The following ZNF675 variants were observed in gnomAD, a reference collection of about 807,000 sequenced individuals.
The protein encoded by ZNF675 is zinc finger protein 675.
In ZNF675, 36 loss-of-function variants were observed where a neutral mutation model predicts 56.1. The ratio of observed to expected loss-of-function variants is 0.64; its 90% confidence interval spans 0.49 to 0.85. The LOEUF (loss-of-function observed/expected upper bound fraction) is 0.85, where lower values mean the gene tolerates loss of function less well. ZNF675 is among the 40% of genes least tolerant of loss of function. ZNF675 has a pLI of 0.00. For missense variants in ZNF675, 663 were observed against 654.2 expected (o/e 1.01, Z -0.15); for synonymous variants, 200 against 218.9 (o/e 0.91, Z 0.76).
At chr19:23,682,062 G>C (rs971622580) in intron 1 of ZNF675, among the ~76,000 whole-genome samples, 1 of 151,632 alleles carries the variant, frequency 6.6e-6, no homozygotes, top group Non-Finnish European at 1.5e-5. Context: ...CATAGACTCT[G>C]CATATTTTCT....
chr19:23,660,752 A>G (rs1968065013), intron 3 of ZNF675, among the ~76,000 whole-genome samples: 1 of 152,166 alleles, frequency 6.6e-6, no homozygotes, highest in Non-Finnish European at 1.5e-5. Context: ...ATACTGTGCC[A>G]TGTTATCCAA....
At chr19:23,663,195 A>G in intron 1 of ZNF675, 37 bp from the exon 2 acceptor site, 1 of 1,580,830 alleles carries the variant, frequency 6.3e-7, no homozygotes, top group South Asian at 1.1e-5. Flanking sequence ...TTCACCAGGT[A>G]GCCAACAGAG....
At chr19:23,662,011 TA>T in intron 3 of ZNF675, 102 bp downstream of exon 3, 1 of 856,636 alleles carries the variant, frequency 1.2e-6, no homozygotes, top group Non-Finnish European at 1.9e-6. Flanking sequence ...TTATTTCCTT[TA>T]AAACACGGCT....
In ZNF675 at chr19:23,683,134, G is replaced by T. The variant is rs558067816; in HGVS notation, c.3+3897C>A. 4.0e-5 allele frequency among the ~76,000 whole-genome samples: 6 copies of T among 151,248 alleles called. No individual in the cohort carries two copies. The South Asian group carries it at 1.0e-3, about 26-fold the overall frequency. ...AATCTGGGAGGCGGAAGGTTGCAGT[G>T]AGCTGAGATCATGGCACTGCACTCC... On this transcript the variant is annotated intron_variant, in intron 1 of 3. Coordinates refer to ENST00000359788, the MANE Select transcript of ZNF675 (RefSeq NM_138330.3).
At chr19:23,671,569 G>A (rs948654040) in intron 1 of ZNF675, among the ~76,000 whole-genome samples, 1 of 146,850 alleles carries the variant, frequency 6.8e-6, no homozygotes, top group Non-Finnish European at 1.5e-5. Context: ...CTGCCCCTGT[G>A]CCACCATGGG....
At chr19:23,669,046 GAGCA>G (rs1473192462) in intron 1 of ZNF675, among the ~76,000 whole-genome samples, 2 of 152,234 alleles carry the variant, frequency 1.3e-5, no homozygotes, top group African/African-American at 4.8e-5. Flanking sequence ...GAGGCGCCGA[GAGCA>G]AGCGAGAGCT....
At chr19:23,663,643 G>A (rs1229921475) in intron 1 of ZNF675, among the ~76,000 whole-genome samples, 1 of 152,212 alleles carries the variant, frequency 6.6e-6, no homozygotes, top group Non-Finnish European at 1.5e-5. Context: ...GGAGGCTGTG[G>A]TGAGTGGAGA....
intron 3 of ZNF675, chr19:23,655,468 G>C (rs1476098440): frequency 6.6e-6 from 1 of 151,876 alleles, no homozygotes; most frequent in African/African-American, 2.4e-5. Flanking sequence ...CAAGTGTCAG[G>C]TAAAGAAGCC....
intron 1 of ZNF675, among the ~76,000 whole-genome samples, chr19:23,682,631 G>T (rs73551198): frequency 0.25 from 38,547 of 151,386 alleles, 5,892 homozygotes; most frequent in East Asian, 0.54. Flanking sequence ...AGGCTCCCCA[G>T]AAAGAACTAA....
chr19:23,684,622 C>A (rs1487608464), intron 1 of ZNF675, among the ~76,000 whole-genome samples: 4 of 151,630 alleles, frequency 2.6e-5, no homozygotes, highest in African/African-American at 7.3e-5. Flanking sequence ...CCAGCCTGGG[C>A]AACAAGAGTG....
intron 2 of ZNF675, 23 bp downstream of exon 2, chr19:23,663,008 AC>A: frequency 6.5e-7 from 1 of 1,545,616 alleles, no homozygotes. Flanking sequence ...AAAAAAAGAA[AC>A]TGTGTGTTTA....
intron 2 of ZNF675, among the ~76,000 whole-genome samples, chr19:23,662,625 G>A (rs1968094453): frequency 1.3e-5 from 2 of 152,162 alleles, no homozygotes; most frequent in South Asian, 2.1e-4. Context: ...TTTATGCAAA[G>A]CATACATTAC....
At chr19:23,661,456 C>CAAGGCA (rs1968077353) in intron 3 of ZNF675, among the ~76,000 whole-genome samples, 1 of 151,614 alleles carries the variant, frequency 6.6e-6, no homozygotes, top group African/African-American at 2.4e-5. Flanking sequence ...TTTGAGAAGC[C>CAAGGCA]AAGGTAAGCA....
rs556328859 is a variant in ZNF675, at chr19:23,674,267, G to GTT, written c.4-11111_4-11110dup. Among the ~76,000 whole-genome samples, 576 of 151,864 alleles carry GTT rather than the reference G, an allele frequency of 3.8e-3. 18 individuals are homozygous for GTT. The highest frequency in any genetic ancestry group is 0.013 in the African/African-American group (546 of 41,244). On this transcript the variant is annotated intron_variant, in intron 1 of 3. Coordinates refer to ENST00000359788, the MANE Select transcript of ZNF675 (RefSeq NM_138330.3). ...CCTGAGTCACAAAGAATGCCAAAAA[G>GTT]TTTATTTACCTGTTAATATGATACA... is the stretch of plus-strand genomic sequence containing the variant.
chr19:23,659,066 T>C (rs1968042683), intron 3 of ZNF675, among the ~76,000 whole-genome samples: 1 of 150,568 alleles, frequency 6.6e-6, no homozygotes, highest in African/African-American at 2.4e-5. Context: ...GCCTGATATA[T>C]AAAACAAATA....
intron 1 of ZNF675, among the ~76,000 whole-genome samples, chr19:23,667,115 T>C (rs1378105678): frequency 6.6e-6 from 1 of 152,058 alleles, no homozygotes; most frequent in African/African-American, 2.4e-5. Context: ...GGTGGGTTCG[T>C]GGTCTCGCTG....
chr19:23,668,394 G>T (rs1486959296), intron 1 of ZNF675, among the ~76,000 whole-genome samples: 1 of 152,186 alleles, frequency 6.6e-6, no homozygotes, highest in Non-Finnish European at 1.5e-5. Context: ...GTGCTGATTG[G>T]TGTGTTTACA....
intron 1 of ZNF675, among the ~76,000 whole-genome samples, chr19:23,674,293 CATTT>C (rs1968267317): frequency 6.6e-6 from 1 of 151,868 alleles, no homozygotes; most frequent in Non-Finnish European, 1.5e-5. Context: ...ATATGATACA[CATTT>C]ATTTTTAAAA....
chr19:23,664,019 G>A (rs1968117184), intron 1 of ZNF675, among the ~76,000 whole-genome samples: 1 of 152,114 alleles, frequency 6.6e-6, no homozygotes, highest in South Asian at 2.1e-4. Flanking sequence ...GAAGCCTCTG[G>A]TATATGGAAA....
Sources: allele counts gnomAD v4.1 joint callset (sites outside exome capture counted in the v4.1 genomes callset), GRCh38; gene constraint gnomAD v4.1.1; transcripts MANE v1.5; gene names NCBI Gene and HGNC (gene_info 2026-07-23, HGNC 2026-07-21).